The following DOCK2 variants were observed in gnomAD, a reference collection of about 807,000 sequenced individuals.
The protein encoded by DOCK2 is dedicator of cytokinesis protein 2.
DOCK2 carries 87 observed loss-of-function variants against 248.9 expected under a neutral mutation model. The observed-to-expected ratio is 0.35, with a 90% CI of 0.29 to 0.42. The LOEUF is 0.42. Ranked by LOEUF, DOCK2 falls within the 10% of genes least tolerant of loss-of-function variation. The pLI, the probability that DOCK2 is intolerant of heterozygous loss-of-function variation, is 1.00. For missense variants in DOCK2, 1,747 were observed against 2,300.2 expected (o/e 0.76, Z 4.92); for synonymous variants, 805 against 821.6 (o/e 0.98, Z 0.35).
chr5:169,693,995 C>T (rs1760458511), intron 9 of DOCK2, among the ~76,000 whole-genome samples: 1 of 152,184 alleles, frequency 6.6e-6, no homozygotes, highest in Non-Finnish European at 1.5e-5. Context: ...TAGCAATATC[C>T]AGACCGGTGT....
intron 9 of DOCK2, chr5:169,695,141 C>G (rs887557872): frequency 6.6e-6 from 1 of 152,284 alleles, no homozygotes; most frequent in African/African-American, 2.4e-5. Context: ...TGATTTGCCA[C>G]ATTCCTTTCC....
intron 33 of DOCK2, among the ~76,000 whole-genome samples, chr5:170,020,526 G>C (rs188943474): frequency 6.6e-6 from 1 of 151,808 alleles, no homozygotes; most frequent in African/African-American, 2.4e-5. Flanking sequence ...TATTTTCTAT[G>C]TATTAGTTCA....
rs376102771 is a variant in DOCK2 at position 169,806,696 on chromosome 5, T to C, written c.2703+3490T>C. Among the ~76,000 whole-genome samples, 119 of 152,322 alleles carry C rather than the reference T, an allele frequency of 7.8e-4. 1 individual carries two copies. Among genetic ancestry groups the C allele is most frequent in the African/African-American group, 2.6e-3 (110 of 41,578 alleles). On this transcript the variant is annotated intron_variant, in intron 26 of 51. Coordinates refer to ENST00000520908, the MANE Select transcript of DOCK2 (RefSeq NM_004946.3). Reference sequence around the variant, plus strand: ...CACTGTCATGCCCACCTTTGAGTGGTGTCTTCCCTTTAACCTTTTTTTGCG... The same window carrying C: ...CACTGTCATGCCCACCTTTGAGTGGCGTCTTCCCTTTAACCTTTTTTTGCG...
At chr5:169,820,149 C>G (rs1355640944) in intron 26 of DOCK2, among the ~76,000 whole-genome samples, 4 of 152,226 alleles carry the variant, frequency 2.6e-5, no homozygotes, top group African/African-American at 9.6e-5. Context: ...GAGCCCAACG[C>G]AGCTCAAGGA....
chr5:169,884,550 T>C (rs1192490993), intron 27 of DOCK2: 1 of 152,242 alleles, frequency 6.6e-6, no homozygotes, highest in Non-Finnish European at 1.5e-5. Context: ...CATTGTTTTC[T>C]TTCATGCTGT....
intron 22 of DOCK2, among the ~76,000 whole-genome samples, chr5:169,745,449 C>T (rs776400290): frequency 6.6e-6 from 1 of 152,232 alleles, no homozygotes; most frequent in Non-Finnish European, 1.5e-5. Context: ...GGTTGATCCT[C>T]GCAATCCTCT....
chr5:169,810,123 T>A (rs1767646193), intron 26 of DOCK2, among the ~76,000 whole-genome samples: 1 of 152,020 alleles, frequency 6.6e-6, no homozygotes, highest in African/African-American at 2.4e-5. Flanking sequence ...AATAAATGAA[T>A]GAATATGTCT....
intron 6 of DOCK2, among the ~76,000 whole-genome samples, chr5:169,679,412 C>T (rs1360618037): frequency 6.6e-6 from 1 of 152,148 alleles, no homozygotes; most frequent in Non-Finnish European, 1.5e-5. Flanking sequence ...CTCTCCTGCC[C>T]CTGGGCCATG....
At chr5:169,997,801 A>G (rs943201109) in intron 30 of DOCK2, among the ~76,000 whole-genome samples, 1 of 152,284 alleles carries the variant, frequency 6.6e-6, no homozygotes, top group South Asian at 2.1e-4. Context: ...ACACAGACAC[A>G]GTAACAATCT....
intron 1 of DOCK2, among the ~76,000 whole-genome samples, chr5:169,653,554 G>T (rs1450856026): frequency 6.6e-6 from 1 of 152,172 alleles, no homozygotes; most frequent in Non-Finnish European, 1.5e-5. Context: ...CTCCTACACA[G>T]GTTCCTTCCC....
intron 25 of DOCK2, among the ~76,000 whole-genome samples, chr5:169,787,706 C>CA (rs1182768210): frequency 7.3e-6 from 1 of 136,556 alleles, no homozygotes; most frequent in East Asian, 2.2e-4. Context: ...TCCACTTTTG[C>CA]TTTTTTTTTT....
At chr5:169,694,842 G>A (rs944119427) in intron 9 of DOCK2, among the ~76,000 whole-genome samples, 5 of 152,010 alleles carry the variant, frequency 3.3e-5, no homozygotes, top group Non-Finnish European at 7.4e-5. Context: ...AGGCATGGTG[G>A]CTCATGCCTG....
At chr5:169,830,333 A>G (rs976979573) in intron 26 of DOCK2, among the ~76,000 whole-genome samples, 2 of 152,234 alleles carry the variant, frequency 1.3e-5, no homozygotes, top group African/African-American at 4.8e-5. Context: ...GATAATAATC[A>G]TTAGAATGAA....
intron 11 of DOCK2, 33 bp from the exon 12 acceptor site, chr5:169,699,349 T>C (rs1267733960): frequency 6.2e-7 from 1 of 1,606,102 alleles, no homozygotes; most frequent in Non-Finnish European, 8.5e-7. Context: ...GAGGACACGA[T>C]GTGGACATTT....
intron 25 of DOCK2, among the ~76,000 whole-genome samples, chr5:169,798,999 C>G (rs943392171): frequency 2.9e-4 from 44 of 152,314 alleles, no homozygotes; most frequent in African/African-American, 1.1e-3. Context: ...TTCTTACTAC[C>G]TTGCTTCAAG....
At position 169,759,751 on chromosome 5, in the gene DOCK2, T is replaced by C. The variant is rs759465641; in HGVS notation, c.2423T>C (p.Met808Thr). ...YIPSVLHDVE[M>T]VFDAKLLSQL... ...CCATCTGTCCTGCATGATGTAGAAA[T>C]GGTCTTTGATGCGAAGTTACTCAGG... Residue 808 changes from methionine to threonine, a missense_variant, in exon 24 of 52, where the codon ATG becomes ACG. Physicochemically the swap from Met to Thr is moderately conservative, Grantham distance 81. Around this residue, in one of 4 missense-constraint regions of DOCK2, gnomAD observed 858 missense variants for 1,183.5 expected, o/e 0.72. Transcript: ENST00000520908. 2.7e-5 allele frequency: 44 copies of C among 1,613,898 alleles called. No individual in the cohort carries two copies. The East Asian group carries it at 9.4e-4, about 34-fold the overall frequency.
At position 170,051,378 on chromosome 5, in the gene DOCK2, C is replaced by T. The variant is rs75972265; in HGVS notation, c.4213+981C>T. Among the ~76,000 whole-genome samples the T allele has an allele frequency of 6.3e-3, 961 of 152,254 alleles. 13 individuals are homozygous for T. Among genetic ancestry groups the T allele is most frequent in the African/African-American group, 0.022 (931 of 41,546 alleles). ...TGACCACAGGGTTCTTGTTTCTGTT[C>T]CTGTGATATGCCCAGCTTGTTCCTG... On this transcript the variant is annotated intron_variant, in intron 41 of 51. Transcript: ENST00000520908.
chr5:170,038,548 G>A (rs1017256011), intron 36 of DOCK2, among the ~76,000 whole-genome samples: 11 of 152,122 alleles, frequency 7.2e-5, no homozygotes, highest in African/African-American at 2.4e-4. Context: ...CTGGGCCCTC[G>A]TCCTATTCTG....
chr5:169,956,126 A>C (rs1581469068), intron 27 of DOCK2, among the ~76,000 whole-genome samples: 1 of 152,132 alleles, frequency 6.6e-6, no homozygotes, highest in Middle Eastern at 3.4e-3. Flanking sequence ...TCCTTGATTA[A>C]GTCACAGCAG....
Sources: gnomAD v4.1 joint callset for allele counts (sites outside exome capture counted in the v4.1 genomes callset) on GRCh38, gnomAD v4.1.1 for gene constraint, gnomAD v4.1.1 regional missense constraint, MANE v1.5 for transcripts, NCBI Gene and HGNC (gene_info 2026-07-23, HGNC 2026-07-21) for gene names.